The following STEAP2 variants were observed in gnomAD, a reference collection of about 807,000 sequenced individuals.
STEAP2 encodes STEAP2 metalloreductase, also known as metalloreductase STEAP2.
Under a neutral mutation model 46.4 loss-of-function variants are expected in STEAP2, and 30 were observed. The observed-to-expected ratio is 0.65, with a 90% CI of 0.48 to 0.88. The LOEUF is 0.88. Among genes scored for constraint, STEAP2 ranks in the 40% least tolerant of loss-of-function variants. STEAP2 has a pLI of 0.00. For synonymous variants in STEAP2, 180 were observed against 200.5 expected (o/e 0.90, Z 0.86); for missense variants, 513 against 579.3 (o/e 0.89, Z 1.18).
chr7:90,226,382 A>G (rs1562808514), intron 3 of STEAP2, among the ~76,000 whole-genome samples: 1 of 152,122 alleles, frequency 6.6e-6, no homozygotes, highest in Non-Finnish European at 1.5e-5. Context: ...ATTTTTTCCA[A>G]ATGAGTTTTT....
Position 90,235,795 on chromosome 7 carries a change from C to A in STEAP2, c.*3171C>A. 1 of 767,952 alleles carries A rather than the reference C, an allele frequency of 1.3e-6. No homozygotes were observed. The highest frequency in any genetic ancestry group is 6.0e-5 in the South Asian group (1 of 16,620). The allele number at this position is 767,952 out of a possible 1,614,324, so 47.6% of individuals were successfully genotyped here. A position where few individuals can be genotyped will look rare whatever the true frequency, so the allele number is the denominator to read the frequency against. ...TTTCAAAACATACATGGAAATTTAG[C>A]CCAGATTGTCTACATATAAGGTTTT... On this transcript the variant is annotated 3_prime_UTR_variant, in exon 6 of 6. Coordinates refer to ENST00000394621, the MANE Select transcript of STEAP2 (RefSeq NM_001244944.2).
At chr7:90,229,209 A>G (rs1449617078) in intron 4 of STEAP2, among the ~76,000 whole-genome samples, 1 of 152,164 alleles carries the variant, frequency 6.6e-6, no homozygotes, top group East Asian at 1.9e-4. Context: ...CACATTATCA[A>G]TGTAAGGAAA....
chr7:90,232,814 T>C lies in STEAP2; in HGVS notation c.*190T>C. 4 of 1,295,120 alleles carry C rather than the reference T, an allele frequency of 3.1e-6. No individual in the cohort carries two copies. The highest frequency in any genetic ancestry group is 3.9e-6 in the Non-Finnish European group (4 of 1,020,514). The allele number at this position is 1,295,120 out of a possible 1,614,324, so 80.2% of individuals were successfully genotyped here. On this transcript the variant is annotated 3_prime_UTR_variant, in exon 6 of 6. Coordinates refer to ENST00000394621, the MANE Select transcript of STEAP2 (RefSeq NM_001244944.2). ...CAAATGTCATGTTTGCCAATATGAA[T>C]TTTTCTAGTCAACATATTATTGTAA...
In STEAP2 at chr7:90,232,482, T is replaced by A; in HGVS notation, c.1331T>A (p.Leu444Gln). Residue 444 changes from leucine to glutamine, a missense_variant, in exon 6 of 6, where the codon CTG becomes CAG. Leu to Gln is a moderately radical substitution (Grantham distance 113). Coordinates refer to ENST00000394621, the MANE Select transcript of STEAP2 (RefSeq NM_001244944.2). ...LALVLPSIVI[L>Q]GKIILFLPCI... is the part of the protein sequence containing the mutation. Reference sequence around the variant, plus strand: ...CTTGTTTTGCCCTCAATTGTAATTCTGGGTAAGATTATTTTATTCCTTCCA... The same window carrying A: ...CTTGTTTTGCCCTCAATTGTAATTCAGGGTAAGATTATTTTATTCCTTCCA... 7 of 1,613,752 alleles carry A rather than the reference T, an allele frequency of 4.3e-6. No homozygotes were observed. Among genetic ancestry groups the A allele is most frequent in the Non-Finnish European group, 5.9e-6 (7 of 1,179,746 alleles).
At chr7:90,218,664 C>T (rs567817802) in intron 2 of STEAP2, among the ~76,000 whole-genome samples, 37 of 151,916 alleles carry the variant, frequency 2.4e-4, no homozygotes, top group African/African-American at 7.2e-4. Context: ...CATGTTTTTT[C>T]GGTTACTATT....
intron 2 of STEAP2, among the ~76,000 whole-genome samples, chr7:90,224,176 G>A (rs1004291150): frequency 1.1e-4 from 17 of 152,124 alleles, no homozygotes; most frequent in Admixed American, 1.1e-3. Flanking sequence ...CTCTAGTGAG[G>A]TAGGAGGCAG....
At chr7:90,217,987 T>C (rs1463196637) in intron 2 of STEAP2, among the ~76,000 whole-genome samples, 2 of 152,210 alleles carry the variant, frequency 1.3e-5, no homozygotes, top group Non-Finnish European at 2.9e-5. Flanking sequence ...TGAAATCTCA[T>C]TGTGGTTTTG....
Position 90,225,074 on chromosome 7 carries a change from G to A in STEAP2, c.-9G>A, listed in dbSNP as rs754835961. On this transcript the variant is annotated 5_prime_UTR_variant, in exon 3 of 6. Coordinates refer to ENST00000394621, the MANE Select transcript of STEAP2 (RefSeq NM_001244944.2). ...GGATATTCTTGGTGATCTTGGAAGTGTCCGTATCATGGAATCAATCTCTAT... is the reference window on the plus strand; with the variant it reads ...GGATATTCTTGGTGATCTTGGAAGTATCCGTATCATGGAATCAATCTCTAT... 1.2e-6 allele frequency: 2 copies of A among 1,611,034 alleles called. No individual in the cohort carries two copies. Among genetic ancestry groups the A allele is most frequent in the South Asian group, 2.2e-5 (2 of 90,636 alleles).
At chr7:90,218,454 G>T (rs774093089) in intron 2 of STEAP2, among the ~76,000 whole-genome samples, 8 of 152,092 alleles carry the variant, frequency 5.3e-5, no homozygotes, top group Non-Finnish European at 1.0e-4. Context: ...TATGGTGAGG[G>T]ACAGGGGTCC....
intron 2 of STEAP2, among the ~76,000 whole-genome samples, chr7:90,222,409 G>A (rs749200652): frequency 4.6e-5 from 7 of 152,150 alleles, no homozygotes; most frequent in Non-Finnish European, 1.0e-4. Context: ...ACTACTTTGA[G>A]TACAACTGTA....
At position 90,234,422 on chromosome 7, in the gene STEAP2, A is replaced by G; in HGVS notation, c.*1798A>G. Reference sequence around the variant, plus strand: ...GAATCCAACTGCCAACAATAAAAAGACTTTTATTTAGTAGAGGCTACCTTT... The same window carrying G: ...GAATCCAACTGCCAACAATAAAAAGGCTTTTATTTAGTAGAGGCTACCTTT... On this transcript the variant is annotated 3_prime_UTR_variant, in exon 6 of 6. Coordinates refer to ENST00000394621, the MANE Select transcript of STEAP2 (RefSeq NM_001244944.2). The G allele has an allele frequency of 1.0e-6, 1 of 984,998 alleles. No homozygotes were observed. The highest frequency in any genetic ancestry group is 1.2e-6 in the Non-Finnish European group (1 of 829,706). 61.0% of individuals were successfully genotyped at this position (984,998 alleles called of 1,614,324 possible). A position where few individuals can be genotyped will look rare whatever the true frequency, so the allele number is the denominator to read the frequency against.
intron 5 of STEAP2, among the ~76,000 whole-genome samples, chr7:90,230,296 G>A (rs527586922): frequency 4.2e-4 from 63 of 149,736 alleles, no homozygotes; most frequent in Admixed American, 1.3e-3. Flanking sequence ...TATCTTAAAA[G>A]AGAAAAAAAA....
chr7:90,238,097 A>G (rs1796012956), downstream of STEAP2: 1 of 717,430 alleles, frequency 1.4e-6, no homozygotes, highest in Non-Finnish European at 2.6e-6. Context: ...CCTCCTGGCC[A>G]GTGGCCTAGC....
At chr7:90,218,379 T>G (rs1429343561) in intron 2 of STEAP2, among the ~76,000 whole-genome samples, 2 of 152,156 alleles carry the variant, frequency 1.3e-5, no homozygotes, top group Non-Finnish European at 2.9e-5. Context: ...AATGTTTTCT[T>G]CTTGAAATGA....
intron 1 of STEAP2, among the ~76,000 whole-genome samples, chr7:90,212,815 C>A (rs945788200): frequency 6.6e-6 from 1 of 150,428 alleles, no homozygotes. Flanking sequence ...ATTCAGACTC[C>A]TGCCCCACCC....
At position 90,234,364 on chromosome 7, in the gene STEAP2, A is replaced by G. The variant is rs1409509006; in HGVS notation, c.*1740A>G. ...TATGCGTTCCTCTTCCTGAAATTAT[A>G]ACATTTCTAAACTTACCCACGTAGG... On this transcript the variant is annotated 3_prime_UTR_variant, in exon 6 of 6. Coordinates refer to ENST00000394621, the MANE Select transcript of STEAP2 (RefSeq NM_001244944.2). The G allele has an allele frequency of 1.0e-6, 1 of 985,334 alleles. No individual in the cohort carries two copies. The highest frequency in any genetic ancestry group is 4.7e-5 in the South Asian group (1 of 21,286). The allele number at this position is 985,334 out of a possible 1,614,324, so 61.0% of individuals were successfully genotyped here.
In STEAP2 at chr7:90,235,942, A is replaced by G; in HGVS notation, c.*3318A>G. Reference sequence around the variant, plus strand: ...AGCTCTAGTGTTAAACTACCTGATTAATTTCTTATAAAGCAGCATAACCTT... The same window carrying G: ...AGCTCTAGTGTTAAACTACCTGATTGATTTCTTATAAAGCAGCATAACCTT... On this transcript the variant is annotated 3_prime_UTR_variant, in exon 6 of 6. Coordinates refer to ENST00000394621, the MANE Select transcript of STEAP2 (RefSeq NM_001244944.2). 1 of 984,134 alleles carries G rather than the reference A, an allele frequency of 1.0e-6. No individual in the cohort carries two copies. Among genetic ancestry groups the G allele is most frequent in the African/African-American group, 1.7e-5 (1 of 57,328 alleles). The allele number at this position is 984,134 out of a possible 1,614,324, so 61.0% of individuals were successfully genotyped here.
intron 2 of STEAP2, among the ~76,000 whole-genome samples, chr7:90,219,525 T>C (rs1795162383): frequency 6.6e-6 from 1 of 152,206 alleles, no homozygotes; most frequent in South Asian, 2.1e-4. Context: ...TCAAATGTTT[T>C]TTCTGCATCT....
At chr7:90,220,886 G>A (rs925631122) in intron 2 of STEAP2, among the ~76,000 whole-genome samples, 52 of 151,986 alleles carry the variant, frequency 3.4e-4, no homozygotes, top group East Asian at 1.9e-4. Context: ...CTTTGCCCCC[G>A]TAGTCATTTA....
Sources: gnomAD v4.1 joint callset for allele counts (sites outside exome capture counted in the v4.1 genomes callset) on GRCh38, gnomAD v4.1.1 for gene constraint, MANE v1.5 for transcripts, NCBI Gene and HGNC (gene_info 2026-07-23, HGNC 2026-07-21) for gene names.